MDFI: variants seen among roughly 807,000 people sequenced by gnomAD.
MDFI encodes the protein MyoD family inhibitor, also known as inhibitor of MyoD family a.
In MDFI, 16 loss-of-function variants were observed where a neutral mutation model predicts 22.3. The ratio of observed to expected loss-of-function variants is 0.72; its 90% CI spans 0.49 to 1.09. The LOEUF (loss-of-function observed/expected upper bound fraction) is 1.09, where lower values mean the gene tolerates loss of function less well. MDFI is among the 50% of genes least tolerant of loss of function. The pLI is 0.00. For missense variants in MDFI, 314 were observed against 326.1 expected (o/e 0.96, Z 0.29); for synonymous variants, 145 against 142.7 (o/e 1.02, Z -0.12).
intron 3 of MDFI, 95 bp from the exon 4 acceptor site, chr6:41,649,524 A>C: frequency 8.8e-7 from 1 of 1,133,734 alleles, no homozygotes; most frequent in Non-Finnish European, 1.3e-6. Flanking sequence ...GCTTTGGGGT[A>C]TATGTAAGAA....
intron 3 of MDFI, among the ~76,000 whole-genome samples, chr6:41,648,518 A>G (rs2127433639): frequency 6.6e-6 from 1 of 152,236 alleles, no homozygotes; most frequent in African/African-American, 2.4e-5. Context: ...CTTGGGCTCC[A>G]GGGCCCCCAA....
rs367974575 is a variant in MDFI at position 41,654,105 on chromosome 6, C to T, written c.*530C>T. On this transcript the variant is annotated 3_prime_UTR_variant, in exon 5 of 5. Coordinates refer to ENST00000230321, the MANE Select transcript of MDFI (RefSeq NM_005586.4). The stretch of plus-strand genomic sequence containing the variant: ...TTGGGGGCCTAACCCACGCAGTGAC[C>T]CCAGAGGGCAGGGCTAGGCGAGAGC... 196 of 176,534 alleles carry T rather than the reference C, an allele frequency of 1.1e-3. No homozygotes were observed. The highest frequency in any genetic ancestry group is 3.9e-3 in the African/African-American group (167 of 42,358). The allele number at this position is 176,534 out of a possible 1,614,324, so 10.9% of individuals were successfully genotyped here.
chr6:41,647,543 C>T (rs1212678702), intron 3 of MDFI, among the ~76,000 whole-genome samples: 1 of 152,198 alleles, frequency 6.6e-6, no homozygotes, highest in Non-Finnish European at 1.5e-5. Flanking sequence ...ATCAGCCACA[C>T]CTCTTGCTGG....
chr6:41,640,565 C>T (rs1439473486), intron 2 of MDFI, among the ~76,000 whole-genome samples: 1 of 152,202 alleles, frequency 6.6e-6, no homozygotes, highest in African/African-American at 2.4e-5. Context: ...AAGCCCAAAC[C>T]GCAGGAGACC....
intron 2 of MDFI, among the ~76,000 whole-genome samples, chr6:41,643,459 A>G (rs116327814): frequency 7.2e-5 from 11 of 151,954 alleles, no homozygotes; most frequent in Admixed American, 2.0e-4. Context: ...ACTCGGGTAT[A>G]CCCAATACTT....
chr6:41,640,204 C>T (rs922055784), intron 2 of MDFI, among the ~76,000 whole-genome samples: 3 of 152,286 alleles, frequency 2.0e-5, no homozygotes, highest in Middle Eastern at 3.4e-3. Flanking sequence ...TCCCGCTGGG[C>T]CTCCTTCCTG....
chr6:41,638,931 G>C lies in MDFI; in HGVS notation c.76+106G>C, dbSNP rs573993063. 3.5e-5 allele frequency: 45 copies of C among 1,282,740 alleles called. No individual in the cohort carries two copies. The East Asian group carries it at 1.1e-3, about 32-fold the overall frequency. 79.5% of individuals were successfully genotyped at this position (1,282,740 alleles called of 1,614,324 possible). A position where few individuals can be genotyped will look rare whatever the true frequency, so the allele number is the denominator to read the frequency against. On this transcript the variant is annotated intron_variant, in intron 2 of 4. Coordinates refer to ENST00000230321, the MANE Select transcript of MDFI (RefSeq NM_005586.4). This position sits in a 1 kb window ranked among gnomAD's most constrained non-coding sequence, Gnocchi z 7.6. Reference sequence around the variant, plus strand: ...CCCCAGACGCGGGGAGACCGTTCCAGGGAGCTTGGTGGGGGTAGGGACGAA... The same window carrying C: ...CCCCAGACGCGGGGAGACCGTTCCACGGAGCTTGGTGGGGGTAGGGACGAA...
chr6:41,649,755 A>G lies in MDFI; in HGVS notation c.396A>G (p.Thr132=). 1 of 1,614,114 alleles carries G rather than the reference A, an allele frequency of 6.2e-7. No individual in the cohort carries two copies. The highest frequency in any genetic ancestry group is 8.5e-7 in the Non-Finnish European group (1 of 1,180,000). Residue 132 remains threonine (T), a synonymous_variant, in exon 4 of 5, where the codon ACA becomes ACG. Transcript: ENST00000230321. The stretch of plus-strand genomic sequence containing the variant: ...CCAAGGCCCACCGGAAGTTGCAGAC[A>G]CACCCATCTCTCGCCAGCCAGGGCA... ...GGPKAHRKLQ[T]HPSLASQGSK...
intron 3 of MDFI, among the ~76,000 whole-genome samples, chr6:41,648,979 T>C (rs1479054649): frequency 6.6e-6 from 1 of 152,042 alleles, no homozygotes; most frequent in African/African-American, 2.4e-5. Context: ...CTCCCTCCTC[T>C]CCCAGACCCC....
chr6:41,651,928 C>T (rs1249681377), intron 4 of MDFI, among the ~76,000 whole-genome samples: 4 of 152,212 alleles, frequency 2.6e-5, no homozygotes, highest in East Asian at 3.8e-4. Context: ...ATGTGTCTGG[C>T]GCTGTTCTAG....
At position 41,638,683 on chromosome 6, in the gene MDFI, G is replaced by C; in HGVS notation, c.-12+31G>C. 6.7e-7 allele frequency: 1 copy of C among 1,500,072 alleles called. No individual in the cohort carries two copies. The highest frequency in any genetic ancestry group is 1.4e-5 in the African/African-American group (1 of 72,046). The allele number at this position is 1,500,072 out of a possible 1,614,324, so 92.9% of individuals were successfully genotyped here. A position where few individuals can be genotyped will look rare whatever the true frequency, so the allele number is the denominator to read the frequency against. Reference sequence around the variant, plus strand: ...TGGACGTGGGAGGCGCGCATCTGCGGGGGAATCGCCCCTTGCCCGCCTCCG... The same window carrying C: ...TGGACGTGGGAGGCGCGCATCTGCGCGGGAATCGCCCCTTGCCCGCCTCCG... On this transcript the variant is annotated intron_variant, in intron 1 of 4. Coordinates refer to ENST00000230321, the MANE Select transcript of MDFI (RefSeq NM_005586.4). The surrounding 1 kb of genome is among the most constrained non-coding windows in gnomAD (Gnocchi z 7.6).
chr6:41,639,823 A>G, intron 2 of MDFI: 2 of 985,364 alleles, frequency 2.0e-6, no homozygotes, highest in African/African-American at 3.5e-5. Flanking sequence ...TGCCTTGGAC[A>G]AGCTCCTTCC....
intron 4 of MDFI, among the ~76,000 whole-genome samples, chr6:41,651,068 G>A (rs1423632239): frequency 6.6e-6 from 1 of 151,940 alleles, no homozygotes; most frequent in Non-Finnish European, 1.5e-5. Flanking sequence ...TTAGCCAGGC[G>A]TGGCGGTGGG....
chr6:41,637,530 C>T (rs2127423397), upstream of MDFI, among the ~76,000 whole-genome samples: 1 of 152,216 alleles, frequency 6.6e-6, no homozygotes, highest in East Asian at 1.9e-4. This position sits in a 1 kb window ranked among gnomAD's most constrained non-coding sequence, Gnocchi z 6.8. Flanking sequence ...CATCATCCCA[C>T]GGGCCCGCCC....
At position 41,653,827 on chromosome 6, in the gene MDFI, C is replaced by A; in HGVS notation, c.*252C>A. 1.2e-5 allele frequency: 6 copies of A among 484,052 alleles called. No homozygotes were observed. The highest frequency in any genetic ancestry group is 3.3e-5 in the Admixed American group (1 of 30,214). The allele number at this position is 484,052 out of a possible 1,614,324, so 30.0% of individuals were successfully genotyped here. On this transcript the variant is annotated 3_prime_UTR_variant, in exon 5 of 5. Transcript: ENST00000230321. This position sits in a 1 kb window ranked among gnomAD's most constrained non-coding sequence, Gnocchi z 4.2. Reference sequence around the variant, plus strand: ...GAACTCTTTACTGGGTTACCAGGTTCATACATTGCTGAGGACCTGACAGGA... The same window carrying A: ...GAACTCTTTACTGGGTTACCAGGTTAATACATTGCTGAGGACCTGACAGGA...
At chr6:41,638,119 CTCTT>C (rs199664705), upstream of MDFI, 4,989 of 152,634 alleles carry the variant, frequency 0.033, 113 homozygotes, top group South Asian at 0.077. The surrounding 1 kb of genome is among the most constrained non-coding windows in gnomAD (Gnocchi z 7.6). Context: ...TGAGGTTTCT[CTCTT>C]TCTCCTGATT....
rs1244511358 is a variant in MDFI at position 41,653,635 on chromosome 6, A to G, written c.*60A>G. 2 of 1,585,502 alleles carry G rather than the reference A, an allele frequency of 1.3e-6. No homozygotes were observed. Among genetic ancestry groups the G allele is most frequent in the East Asian group, 4.5e-5 (2 of 44,710 alleles). On this transcript the variant is annotated 3_prime_UTR_variant, in exon 5 of 5. Transcript: ENST00000230321. This position sits in a 1 kb window ranked among gnomAD's most constrained non-coding sequence, Gnocchi z 4.2. ...TGCAGATTCCAGCAGGGTCCCTCTGAGTGGGGCCAGGCCCAGGACTGTCAC... is the reference window on the plus strand; with the variant it reads ...TGCAGATTCCAGCAGGGTCCCTCTGGGTGGGGCCAGGCCCAGGACTGTCAC...
intron 4 of MDFI, among the ~76,000 whole-genome samples, chr6:41,652,186 G>T (rs1184876974): frequency 3.3e-5 from 5 of 152,336 alleles, no homozygotes; most frequent in African/African-American, 1.2e-4. Context: ...GGGCAAAGAA[G>T]GAGATGAGGG....
At chr6:41,643,366 C>T (rs1767919340) in intron 2 of MDFI, among the ~76,000 whole-genome samples, 1 of 152,148 alleles carries the variant, frequency 6.6e-6, no homozygotes, top group Admixed American at 6.5e-5. Flanking sequence ...CCCAGTGTAA[C>T]TCTTGCACCT....
Sources: allele counts gnomAD v4.1 joint callset (sites outside exome capture counted in the v4.1 genomes callset), GRCh38; gene constraint gnomAD v4.1.1; non-coding constraint Gnocchi (gnomAD v3.1); transcripts MANE v1.5; gene names NCBI Gene and HGNC (gene_info 2026-07-23, HGNC 2026-07-21).